The following FAM151B variants were observed in gnomAD, a reference collection of about 807,000 sequenced individuals.
FAM151B encodes the protein family with sequence similarity 151 member B.
In FAM151B, 24 loss-of-function variants were observed where a neutral mutation model predicts 31.2. The observed-to-expected ratio is 0.77, with a 90% CI of 0.56 to 1.08. The LOEUF (loss-of-function observed/expected upper bound fraction) is 1.08, where lower values mean the gene tolerates loss of function less well. Ranked by LOEUF, FAM151B falls within the 50% of genes least tolerant of loss-of-function variation. FAM151B has a pLI of 0.00. For synonymous variants in FAM151B, 105 were observed against 111.4 expected, an observed-to-expected ratio of 0.94 and a Z score of 0.36; for missense variants, 293 against 328.6, an observed-to-expected ratio of 0.89 and a Z score of 0.84.
Position 80,542,249 on chromosome 5 carries a change from A to G in FAM151B, c.*417A>G, listed in dbSNP as rs1186004719. 1 of 155,326 alleles carries G rather than the reference A, an allele frequency of 6.4e-6. No individual in the cohort carries two copies. The highest frequency in any genetic ancestry group is 2.4e-5 in the African/African-American group (1 of 41,490). 9.6% of individuals were successfully genotyped at this position (155,326 alleles called of 1,614,324 possible). On this transcript the variant is annotated 3_prime_UTR_variant, in exon 6 of 6. Transcript: ENST00000282226. Reference sequence around the variant, plus strand: ...AAAACTGGTTATTTTAGAGATAACAAAAAAGGAAGAGGGCTTTTAAAATGT... The same window carrying G: ...AAAACTGGTTATTTTAGAGATAACAGAAAAGGAAGAGGGCTTTTAAAATGT...
intron 2 of FAM151B, among the ~76,000 whole-genome samples, chr5:80,510,295 G>A (rs1744133421): frequency 6.6e-6 from 1 of 152,158 alleles, no homozygotes; most frequent in African/African-American, 2.4e-5. Context: ...TGGCCTTAAT[G>A]CTCTCTGTCA....
chr5:80,505,999 G>T (rs1249026782), intron 2 of FAM151B: 2 of 763,698 alleles, frequency 2.6e-6, no homozygotes, highest in Non-Finnish European at 3.2e-6. Flanking sequence ...CTCATGATCC[G>T]CCTGCCTTGG....
intron 1 of FAM151B, among the ~76,000 whole-genome samples, chr5:80,496,922 T>G (rs1336259928): frequency 6.8e-6 from 1 of 146,216 alleles, no homozygotes; most frequent in Admixed American, 7.2e-5. Flanking sequence ...GCTATTTCCC[T>G]GCCTCAGACT....
intron 5 of FAM151B, among the ~76,000 whole-genome samples, chr5:80,532,780 A>G (rs1258011942): frequency 2.6e-5 from 4 of 152,236 alleles, no homozygotes; most frequent in African/African-American, 9.6e-5. Flanking sequence ...CATTCAATAA[A>G]TTGAAATAAT....
chr5:80,538,907 T>C (rs929372118), intron 5 of FAM151B, among the ~76,000 whole-genome samples: 3 of 151,920 alleles, frequency 2.0e-5, no homozygotes, highest in African/African-American at 7.2e-5. Flanking sequence ...CCCCCTTCTT[T>C]TTAAAACAAA....
At chr5:80,525,966 G>C (rs560582070) in intron 5 of FAM151B, among the ~76,000 whole-genome samples, 3 of 151,578 alleles carry the variant, frequency 2.0e-5, no homozygotes, top group African/African-American at 7.3e-5. Flanking sequence ...TACTAGGTGT[G>C]TATATATATA....
intron 1 of FAM151B, among the ~76,000 whole-genome samples, chr5:80,497,866 A>G (rs1743601917): frequency 6.6e-6 from 1 of 152,126 alleles, no homozygotes; most frequent in Non-Finnish European, 1.5e-5. Context: ...TGGGTGCAGC[A>G]CACCAACATG....
At chr5:80,507,766 C>G (rs923610229) in intron 2 of FAM151B, among the ~76,000 whole-genome samples, 7 of 152,182 alleles carry the variant, frequency 4.6e-5, no homozygotes, top group African/African-American at 1.7e-4. Flanking sequence ...ACCTGAAGGG[C>G]CTGCACAGAC....
intron 1 of FAM151B, among the ~76,000 whole-genome samples, chr5:80,493,258 G>A (rs1272570300): frequency 1.3e-5 from 2 of 152,092 alleles, no homozygotes; most frequent in East Asian, 3.8e-4. Context: ...CTAATAATAC[G>A]CTTATAATTT....
intron 2 of FAM151B, among the ~76,000 whole-genome samples, chr5:80,505,396 T>C (rs1032367974): frequency 6.9e-6 from 1 of 144,260 alleles, no homozygotes; most frequent in Admixed American, 6.8e-5. Flanking sequence ...ATTGAGTTCT[T>C]TTTTTTTTTC....
chr5:80,526,786 G>T (rs561658181), intron 5 of FAM151B, among the ~76,000 whole-genome samples: 1 of 152,074 alleles, frequency 6.6e-6, no homozygotes, highest in South Asian at 2.1e-4. Context: ...TATCAGTAGG[G>T]GTGATTTGGC....
At chr5:80,522,271 A>G in intron 5 of FAM151B, 133 bp downstream of exon 5, 6 of 895,896 alleles carry the variant, frequency 6.7e-6, no homozygotes, top group East Asian at 2.6e-5. Flanking sequence ...AACTGATGAT[A>G]TAAGCGCACA....
Position 80,500,646 on chromosome 5 carries a change from G to A in FAM151B, c.26-1146G>A, listed in dbSNP as rs143051043. On this transcript the variant is annotated intron_variant, in intron 1 of 5. Coordinates refer to ENST00000282226, the MANE Select transcript of FAM151B (RefSeq NM_205548.3). ...GTCAGTGGTGTGAGCCCAAAGGTCC[G>A]AAAGGTGTTGCAGCTTCTTCGCCTT... 3.1e-3 allele frequency: 2,379 copies of A among 766,518 alleles called. 38 individuals are homozygous for A. The African/African-American group carries it at 0.034, about 11-fold the overall frequency. The allele number at this position is 766,518 out of a possible 1,614,324, so 47.5% of individuals were successfully genotyped here.
rs1561359214 is a variant in FAM151B at position 80,494,469 on chromosome 5, TTTCTTTC to T, written c.25+6324_25+6330del. 1.9e-4 allele frequency among the ~76,000 whole-genome samples: 9 copies of T among 47,430 alleles called. 1 individual carries two copies. The highest frequency in any genetic ancestry group is 3.4e-4 in the African/African-American group (5 of 14,672). The allele number at this position is 47,430 out of a possible 152,430, so 31.1% of individuals were successfully genotyped here. ...TTTCTTTCTTTCTTTTCTTTCTTTC[TTTCTTTC>T]TTTCTTTCTTTCTTTCTTTCTTTCT... On this transcript the variant is annotated intron_variant, in intron 1 of 5. Coordinates refer to ENST00000282226, the MANE Select transcript of FAM151B (RefSeq NM_205548.3).
intron 5 of FAM151B, among the ~76,000 whole-genome samples, chr5:80,525,722 GA>G (rs1215446568): frequency 6.6e-6 from 1 of 151,540 alleles, no homozygotes; most frequent in African/African-American, 2.4e-5. Context: ...AATGTTGACA[GA>G]AAAAAAACAT....
chr5:80,492,442 C>T (rs555656536), intron 1 of FAM151B, among the ~76,000 whole-genome samples: 1 of 152,204 alleles, frequency 6.6e-6, no homozygotes, highest in South Asian at 2.1e-4. Context: ...TTGGGCAGTG[C>T]ATGCTGGCCG....
intron 5 of FAM151B, among the ~76,000 whole-genome samples, chr5:80,523,941 C>T (rs1744835862): frequency 1.3e-5 from 2 of 152,118 alleles, no homozygotes; most frequent in African/African-American, 4.8e-5. Context: ...ATTTGACATT[C>T]TCTTTTTGCA....
intron 5 of FAM151B, among the ~76,000 whole-genome samples, chr5:80,526,053 T>C (rs1424586254): frequency 3.3e-5 from 5 of 152,096 alleles, no homozygotes; most frequent in African/African-American, 1.2e-4. Context: ...GAGGATGGGT[T>C]CAAGGATGCT....
intron 5 of FAM151B, among the ~76,000 whole-genome samples, chr5:80,527,585 G>A (rs1029366868): frequency 1.5e-4 from 23 of 152,110 alleles, no homozygotes; most frequent in African/African-American, 5.3e-4. Flanking sequence ...GAATAATGTA[G>A]GTAATTATAA....
Sources: allele counts gnomAD v4.1 joint callset (sites outside exome capture counted in the v4.1 genomes callset), GRCh38; gene constraint gnomAD v4.1.1; transcripts MANE v1.5; gene names NCBI Gene and HGNC (gene_info 2026-07-23, HGNC 2026-07-21).